The following NRP1 variants were observed in gnomAD, a reference collection of about 807,000 sequenced individuals.
NRP1 encodes neuropilin-1.
NRP1 carries 35 observed loss-of-function variants against 106.7 expected under a neutral mutation model. The ratio of observed to expected loss-of-function variants is 0.33; its 90% CI spans 0.25 to 0.43. The LOEUF (loss-of-function observed/expected upper bound fraction) is 0.43, where lower values mean the gene tolerates loss of function less well. Among genes scored for constraint, NRP1 ranks in the 20% least tolerant of loss-of-function variants. NRP1 has a pLI of 1.00. For synonymous variants in NRP1, 437 were observed against 417.9 expected (o/e 1.05, Z -0.56); for missense variants, 1,024 against 1,170.4 (o/e 0.87, Z 1.83).
chr10:33,243,758 T>C (rs1349536282), intron 6 of NRP1, among the ~76,000 whole-genome samples: 1 of 152,234 alleles, frequency 6.6e-6, no homozygotes, highest in Non-Finnish European at 1.5e-5. Context: ...ACTTACTCTG[T>C]TCAATAGTTG....
chr10:33,206,356 G>A (rs760716150), intron 10 of NRP1: 2 of 518,650 alleles, frequency 3.9e-6, no homozygotes, highest in Non-Finnish European at 7.7e-6. Context: ...GATAGTGCCT[G>A]GATAATTTAG....
At chr10:33,288,752 A>T (rs1844769990) in intron 2 of NRP1, among the ~76,000 whole-genome samples, 1 of 152,146 alleles carries the variant, frequency 6.6e-6, no homozygotes, top group South Asian at 2.1e-4. Context: ...CCCAAGGTTC[A>T]TTTATTCTGT....
intron 2 of NRP1, among the ~76,000 whole-genome samples, chr10:33,323,894 A>T (rs1847704625): frequency 6.6e-6 from 1 of 152,194 alleles, no homozygotes; most frequent in Non-Finnish European, 1.5e-5. Flanking sequence ...GGAGCTGAGA[A>T]TGTGCATGCC....
At chr10:33,202,545 G>A (rs554195827) in intron 11 of NRP1, 71 of 1,373,910 alleles carry the variant, frequency 5.2e-5, no homozygotes, top group East Asian at 4.5e-4. Context: ...GTGTGGTTAC[G>A]TAGGGGTGGT....
intron 2 of NRP1, among the ~76,000 whole-genome samples, chr10:33,299,978 C>G (rs568456021): frequency 6.6e-6 from 1 of 152,276 alleles, no homozygotes; most frequent in African/African-American, 2.4e-5. Flanking sequence ...ACTTAGAAAG[C>G]CACTCGAAAA....
At chr10:33,211,002 C>A (rs1838259501) in intron 9 of NRP1, among the ~76,000 whole-genome samples, 1 of 152,134 alleles carries the variant, frequency 6.6e-6, no homozygotes, top group African/African-American at 2.4e-5. Context: ...GAAGCTTTTA[C>A]AGTTTTCAGT....
At chr10:33,238,937 G>A (rs1840791031) in intron 6 of NRP1, among the ~76,000 whole-genome samples, 2 of 149,814 alleles carry the variant, frequency 1.3e-5, no homozygotes, top group Admixed American at 6.6e-5. Flanking sequence ...GTGTGTATGT[G>A]TGCGCATAGT....
rs1319693380 is a variant in NRP1, at chr10:33,254,079, G to A, written c.930C>T (p.Tyr310=). 2 of 1,613,784 alleles carry A rather than the reference G, an allele frequency of 1.2e-6. No individual in the cohort carries two copies. The highest frequency in any genetic ancestry group is 1.7e-6 in the Non-Finnish European group (2 of 1,180,000). ...NWSAERSRLN[Y]PENGWTPGED... is the part of the protein sequence containing the mutation. ...CTCCGGGAGTCCACCCATTCTCAGG[G>A]TAGTTCAGGCGGGAGCGCTCTGCAG... The change falls in exon 6 of 17, where the codon TAC becomes TAT. Residue 310 remains tyrosine (Y), a synonymous_variant. Transcript: ENST00000374867.
intron 9 of NRP1, chr10:33,211,924 A>G (rs74571312): frequency 0.011 from 1,638 of 151,868 alleles, 12 homozygotes; most frequent in Non-Finnish European, 0.018. Context: ...TAATTCCCAC[A>G]CTGAACACAG....
At chr10:33,210,513 T>C (rs1838215917) in intron 9 of NRP1, among the ~76,000 whole-genome samples, 1 of 152,196 alleles carries the variant, frequency 6.6e-6, no homozygotes. Flanking sequence ...GGAAGAATAT[T>C]AGCAATGAAA....
chr10:33,268,098 T>C (rs1358047517), intron 3 of NRP1, among the ~76,000 whole-genome samples: 1 of 152,226 alleles, frequency 6.6e-6, no homozygotes, highest in East Asian at 1.9e-4. Context: ...TTCTATAATA[T>C]CATTAAAGGG....
At chr10:33,241,274 G>C (rs2133075601) in intron 6 of NRP1, among the ~76,000 whole-genome samples, 1 of 152,254 alleles carries the variant, frequency 6.6e-6, no homozygotes, top group African/African-American at 2.4e-5. Flanking sequence ...TCCGTGCTCT[G>C]AAGACATGTG....
rs939568749 is a variant in NRP1, at chr10:33,293,088, G to T, written c.249-22232C>A. Among the ~76,000 whole-genome samples, 4 of 152,184 alleles carry T rather than the reference G, an allele frequency of 2.6e-5. No individual in the cohort carries two copies. The South Asian group carries it at 8.3e-4, about 32-fold the overall frequency. ...CCTTCAAGAAAATTTTAGAAGACAG[G>T]CTTCCGATTTGTCTTGTTTCAGTTT... is the stretch of plus-strand genomic sequence containing the variant. On this transcript the variant is annotated intron_variant, in intron 2 of 16. Coordinates refer to ENST00000374867, the MANE Select transcript of NRP1 (RefSeq NM_003873.7).
intron 8 of NRP1, 77 bp downstream of exon 8, chr10:33,221,642 T>C: frequency 2.1e-6 from 3 of 1,420,356 alleles, no homozygotes; most frequent in Admixed American, 3.4e-5. Flanking sequence ...ATTTACCCTG[T>C]ATTTAAAGGT....
chr10:33,327,564 CA>C, intron 2 of NRP1, among the ~76,000 whole-genome samples: 1 of 151,846 alleles, frequency 6.6e-6, no homozygotes, highest in African/African-American at 2.4e-5. Context: ...ATATAAAGTA[CA>C]AAAAAACCCT....
Position 33,315,582 on chromosome 10 carries a change from C to A in NRP1, c.248+15126G>T, listed in dbSNP as rs566585343. Among the ~76,000 whole-genome samples, 4 of 152,286 alleles carry A rather than the reference C, an allele frequency of 2.6e-5. No homozygotes were observed. The East Asian group carries it at 5.8e-4, about 22-fold the overall frequency. ...AACTCGGCTCTGAGCAGTAGAAAAA[C>A]AATACTAGTCTCTGTAACTACTGTA... On this transcript the variant is annotated intron_variant, in intron 2 of 16. Transcript: ENST00000374867.
At chr10:33,204,273 T>A (rs1837585451) in intron 10 of NRP1, among the ~76,000 whole-genome samples, 1 of 151,974 alleles carries the variant, frequency 6.6e-6, no homozygotes, top group Admixed American at 6.6e-5. Context: ...CCAAGCAGAG[T>A]TACGGCACAT....
chr10:33,306,084 C>G (rs1471363774), intron 2 of NRP1, among the ~76,000 whole-genome samples: 1 of 152,072 alleles, frequency 6.6e-6, no homozygotes, highest in African/African-American at 2.4e-5. Context: ...TATTTCTAAC[C>G]AAAATTTTCA....
intron 2 of NRP1, among the ~76,000 whole-genome samples, chr10:33,282,192 G>A (rs1844188750): frequency 6.6e-6 from 1 of 151,416 alleles, no homozygotes; most frequent in South Asian, 2.1e-4. Context: ...CCGATTTAAT[G>A]AAGTGCAGTT....
Sources: gnomAD v4.1 joint callset for allele counts (sites outside exome capture counted in the v4.1 genomes callset) on GRCh38, gnomAD v4.1.1 for gene constraint, MANE v1.5 for transcripts, NCBI Gene and HGNC (gene_info 2026-07-23, HGNC 2026-07-21) for gene names.